SLC35F3: variants seen among roughly 807,000 people sequenced by gnomAD.
SLC35F3 encodes the protein putative thiamine transporter SLC35F3.
In SLC35F3, 25 loss-of-function variants were observed where a neutral mutation model predicts 49.9. The ratio of observed to expected loss-of-function variants is 0.50; its 90% CI spans 0.37 to 0.70. The LOEUF (loss-of-function observed/expected upper bound fraction) is 0.70. Among genes scored for constraint, SLC35F3 ranks in the 30% least tolerant of loss-of-function variants. The probability of loss-of-function intolerance (pLI) is 0.00; values close to 1 mark genes in which losing one functional copy is unlikely to be tolerated. For synonymous variants in SLC35F3, 275 were observed against 265.4 expected, an observed-to-expected ratio of 1.04 and a Z score of -0.35; for missense variants, 525 against 639.8, an observed-to-expected ratio of 0.82 and a Z score of 1.94.
At chr1:234,237,065 C>T (rs1667486610) in intron 3 of SLC35F3, among the ~76,000 whole-genome samples, 1 of 150,236 alleles carries the variant, frequency 6.7e-6, no homozygotes, top group South Asian at 2.1e-4. Flanking sequence ...CAGCTGAAGG[C>T]CAGATGGGAA....
chr1:234,240,634 A>G (rs1667540812), intron 3 of SLC35F3, among the ~76,000 whole-genome samples: 1 of 152,194 alleles, frequency 6.6e-6, no homozygotes, highest in Middle Eastern at 3.4e-3. Flanking sequence ...CCAAATATGT[A>G]TATATATAAA....
intron 2 of SLC35F3, among the ~76,000 whole-genome samples, chr1:234,082,663 A>C (rs550574470): frequency 2.0e-3 from 300 of 152,326 alleles, no homozygotes; most frequent in African/African-American, 7.0e-3. Context: ...GTAATTTATA[A>C]AGAAAAAGAG....
At chr1:234,165,342 C>T (rs1572077464) in intron 2 of SLC35F3, among the ~76,000 whole-genome samples, 1 of 152,062 alleles carries the variant, frequency 6.6e-6, no homozygotes, top group Admixed American at 6.5e-5. Context: ...AATTCAGTCG[C>T]TATTATGAAG....
chr1:234,314,527 G>A (rs1159724921), intron 4 of SLC35F3, among the ~76,000 whole-genome samples: 3 of 152,156 alleles, frequency 2.0e-5, no homozygotes, highest in Admixed American at 6.5e-5. Context: ...TTGGAAAGCC[G>A]AGGTGTGTGG....
intron 2 of SLC35F3, among the ~76,000 whole-genome samples, chr1:234,078,316 T>C (rs112701698): frequency 1.9e-3 from 283 of 152,330 alleles, no homozygotes; most frequent in African/African-American, 6.5e-3. Context: ...TTTCTCAGAA[T>C]AGTTATCCAC....
At chr1:234,155,539 A>G (rs1009025937) in intron 2 of SLC35F3, among the ~76,000 whole-genome samples, 1 of 152,088 alleles carries the variant, frequency 6.6e-6, no homozygotes, top group Non-Finnish European at 1.5e-5. Context: ...TTTCCCAAGT[A>G]GCTGGGACTA....
intron 2 of SLC35F3, among the ~76,000 whole-genome samples, chr1:234,044,956 A>G (rs1316877253): frequency 6.6e-6 from 1 of 152,174 alleles, no homozygotes; most frequent in Non-Finnish European, 1.5e-5. Flanking sequence ...AATTCTTTAT[A>G]TATTCTGAGT....
At chr1:234,002,528 G>A (rs1449519526) in intron 2 of SLC35F3, among the ~76,000 whole-genome samples, 2 of 152,078 alleles carry the variant, frequency 1.3e-5, no homozygotes, top group African/African-American at 4.8e-5. Flanking sequence ...CTAGGGTTAG[G>A]GTTTGGGGAG....
chr1:234,319,981 C>A lies in SLC35F3; in HGVS notation c.1148-117C>A, dbSNP rs542554084. The A allele has an allele frequency of 8.6e-6, 6 of 697,456 alleles. No individual in the cohort carries two copies. The African/African-American group carries it at 1.1e-4, about 12-fold the overall frequency. 43.2% of individuals were successfully genotyped at this position (697,456 alleles called of 1,614,324 possible). A position where few individuals can be genotyped will look rare whatever the true frequency, so the allele number is the denominator to read the frequency against. On this transcript the variant is annotated intron_variant, in intron 6 of 7. Coordinates refer to ENST00000366618, the MANE Select transcript of SLC35F3 (RefSeq NM_173508.4). ...AGTTCACTGAATCAGAGCAGAGGGTCATTGTAACTCCTATGACTCCAGCCT... is the reference window on the plus strand; with the variant it reads ...AGTTCACTGAATCAGAGCAGAGGGTAATTGTAACTCCTATGACTCCAGCCT...
intron 2 of SLC35F3, among the ~76,000 whole-genome samples, chr1:233,913,898 A>G (rs1478349085): frequency 6.6e-6 from 1 of 152,204 alleles, no homozygotes; most frequent in African/African-American, 2.4e-5. Flanking sequence ...TGATGTGGAA[A>G]AAATGAACAG....
chr1:234,068,990 AAT>A (rs1440372819), intron 2 of SLC35F3, among the ~76,000 whole-genome samples: 2 of 121,676 alleles, frequency 1.6e-5, no homozygotes, highest in African/African-American at 3.3e-5. Flanking sequence ...TACTACATAT[AAT>A]ATATAAAATT....
At chr1:234,294,869 C>A in intron 3 of SLC35F3, among the ~76,000 whole-genome samples, 1 of 150,390 alleles carries the variant, frequency 6.6e-6, no homozygotes, top group Non-Finnish European at 1.5e-5. Flanking sequence ...GAGGGAGGCA[C>A]AGAATATTAT....
intron 2 of SLC35F3, among the ~76,000 whole-genome samples, chr1:234,007,078 G>C (rs1663641469): frequency 6.6e-6 from 1 of 152,126 alleles, no homozygotes; most frequent in African/African-American, 2.4e-5. Flanking sequence ...ACCTGGTTGT[G>C]TTCCCGTAAA....
At chr1:233,998,612 G>C (rs1487408258) in intron 2 of SLC35F3, among the ~76,000 whole-genome samples, 1 of 151,670 alleles carries the variant, frequency 6.6e-6, no homozygotes, top group South Asian at 2.1e-4. Flanking sequence ...AACAGTAATG[G>C]AGATGTTCTC....
Position 233,957,578 on chromosome 1 carries a change from G to T in SLC35F3, c.283+51820G>T, listed in dbSNP as rs1662726073. Among the ~76,000 whole-genome samples the T allele has an allele frequency of 6.6e-6, 1 of 152,160 alleles. No individual in the cohort carries two copies. Among genetic ancestry groups the T allele is most frequent in the Non-Finnish European group, 1.5e-5 (1 of 68,034 alleles). Reference sequence around the variant, plus strand: ...GCCTGTAATCCCAGCACTTTGGGAGGCCGAGGCAGGTGGATCACCTGAAGT... The same window carrying T: ...GCCTGTAATCCCAGCACTTTGGGAGTCCGAGGCAGGTGGATCACCTGAAGT... On this transcript the variant is annotated intron_variant, in intron 2 of 7. Coordinates refer to ENST00000366618, the MANE Select transcript of SLC35F3 (RefSeq NM_173508.4). The surrounding 1 kb of genome is among the most constrained non-coding windows in gnomAD (Gnocchi z 4.0).
intron 2 of SLC35F3, among the ~76,000 whole-genome samples, chr1:234,197,120 A>C (rs1163688441): frequency 1.3e-5 from 2 of 152,188 alleles, no homozygotes; most frequent in Non-Finnish European, 2.9e-5. Flanking sequence ...GAAAAATTAT[A>C]AAAGTTATAA....
chr1:234,194,356 A>G (rs1339803373), intron 2 of SLC35F3, among the ~76,000 whole-genome samples: 1 of 152,184 alleles, frequency 6.6e-6, no homozygotes, highest in Non-Finnish European at 1.5e-5. Context: ...GAAAACAACA[A>G]ACATCGCATG....
chr1:234,107,371 A>G lies in SLC35F3; in HGVS notation c.284-124046A>G, dbSNP rs576682634. 9.8e-5 allele frequency among the ~76,000 whole-genome samples: 15 copies of G among 152,346 alleles called. No homozygotes were observed. In the East Asian group the frequency reaches 1.2e-3, roughly 12 times the overall value. ...AACAGGGGAGTGAAGAATTGGCACC[A>G]GTAATTTAATCTACCATTTCAGCTA... On this transcript the variant is annotated intron_variant, in intron 2 of 7. Transcript: ENST00000366618.
chr1:234,178,903 C>G (rs565839814), intron 2 of SLC35F3, among the ~76,000 whole-genome samples: 181 of 152,302 alleles, frequency 1.2e-3, no homozygotes, highest in African/African-American at 4.3e-3. Context: ...TTTCATTGCC[C>G]TAAAAATCCT....
Sources: allele counts gnomAD v4.1 joint callset (sites outside exome capture counted in the v4.1 genomes callset), GRCh38; gene constraint gnomAD v4.1.1; non-coding constraint Gnocchi (gnomAD v3.1); transcripts MANE v1.5; gene names NCBI Gene and HGNC (gene_info 2026-07-23, HGNC 2026-07-21).